GRIN2B: variants seen among roughly 807,000 people sequenced by gnomAD.
GRIN2B encodes glutamate ionotropic receptor NMDA type subunit 2B, also known as glutamate receptor ionotropic, NMDA 2B.
In GRIN2B, 5 loss-of-function variants were observed where a neutral mutation model predicts 114.5. The observed-to-expected ratio is 0.04, with a 90% CI of 0.02 to 0.09. GRIN2B has a LOEUF of 0.09. Among genes scored for constraint, GRIN2B ranks in the 10% least tolerant of loss-of-function variants. The pLI, the probability that GRIN2B is intolerant of heterozygous loss-of-function variation, is 1.00. For missense variants in GRIN2B, 1,108 were observed against 1,943.5 expected (o/e 0.57, Z 8.08); for synonymous variants, 787 against 745.1 (o/e 1.06, Z -0.92).
chr12:13,816,029 A>AGATATAC (rs1864817084), intron 3 of GRIN2B, among the ~76,000 whole-genome samples: 1 of 152,180 alleles, frequency 6.6e-6, no homozygotes, highest in South Asian at 2.1e-4. Context: ...TGCTAGCAAG[A>AGATATAC]GATATACTTG....
intron 3 of GRIN2B, among the ~76,000 whole-genome samples, chr12:13,858,345 T>A (rs1243969928): frequency 7.2e-5 from 11 of 152,210 alleles, no homozygotes; most frequent in African/African-American, 2.4e-4. Flanking sequence ...AAACCTTTAT[T>A]GTACTCAGAA....
At chr12:13,880,387 G>A (rs1307530280) in intron 2 of GRIN2B, among the ~76,000 whole-genome samples, 1 of 152,200 alleles carries the variant, frequency 6.6e-6, no homozygotes, top group African/African-American at 2.4e-5. Context: ...CAAGGAATTG[G>A]GGATGCTCAG....
intron 2 of GRIN2B, among the ~76,000 whole-genome samples, chr12:13,963,000 T>A (rs1305904058): frequency 1.3e-5 from 2 of 152,176 alleles, no homozygotes; most frequent in African/African-American, 4.8e-5. Context: ...TTTTACCCTG[T>A]TTTTCTCATC....
intron 2 of GRIN2B, among the ~76,000 whole-genome samples, chr12:13,917,849 T>C (rs1866759178): frequency 6.6e-6 from 1 of 152,248 alleles, no homozygotes; most frequent in Admixed American, 6.5e-5. Flanking sequence ...TTTTCTTTTT[T>C]ATTATACTAT....
intron 3 of GRIN2B, among the ~76,000 whole-genome samples, chr12:13,831,071 G>A (rs1865136164): frequency 6.6e-6 from 1 of 152,154 alleles, no homozygotes. Flanking sequence ...CTAAGAGCAG[G>A]TTGTTAAAAA....
intron 4 of GRIN2B, among the ~76,000 whole-genome samples, chr12:13,751,563 G>A (rs2136626921): frequency 1.3e-5 from 2 of 152,212 alleles, no homozygotes; most frequent in Non-Finnish European, 2.9e-5. Flanking sequence ...GGGCATCTAG[G>A]AAATTTTTAT....
intron 2 of GRIN2B, among the ~76,000 whole-genome samples, chr12:13,878,247 C>A (rs1222547196): frequency 6.6e-6 from 1 of 152,100 alleles, no homozygotes; most frequent in East Asian, 1.9e-4. Flanking sequence ...TATCGACTCC[C>A]CCGACCCACT....
intron 3 of GRIN2B, among the ~76,000 whole-genome samples, chr12:13,819,157 C>T (rs894899668): frequency 7.2e-5 from 11 of 152,128 alleles, no homozygotes; most frequent in Non-Finnish European, 1.5e-4. Flanking sequence ...CACAAGAAGA[C>T]ACCAGGACAC....
chr12:13,786,525 C>T (rs1472508546), intron 3 of GRIN2B, among the ~76,000 whole-genome samples: 2 of 152,286 alleles, frequency 1.3e-5, no homozygotes, highest in South Asian at 4.1e-4. Flanking sequence ...TCAACCAAGG[C>T]AGTCCTGAGT....
intron 10 of GRIN2B, among the ~76,000 whole-genome samples, chr12:13,580,329 T>C (rs922403707): frequency 6.6e-6 from 1 of 152,210 alleles, no homozygotes; most frequent in Non-Finnish European, 1.5e-5. Flanking sequence ...AATCAGCATA[T>C]GCAGATTAGG....
At chr12:13,720,311 C>A (rs1195376564) in intron 4 of GRIN2B, among the ~76,000 whole-genome samples, 3 of 151,946 alleles carry the variant, frequency 2.0e-5, no homozygotes, top group South Asian at 4.1e-4. Flanking sequence ...CCCTTTCTAG[C>A]ATTGTGTCAG....
intron 10 of GRIN2B, among the ~76,000 whole-genome samples, chr12:13,587,399 C>T (rs1426909907): frequency 6.6e-6 from 1 of 150,404 alleles, no homozygotes; most frequent in Non-Finnish European, 1.5e-5. Context: ...GCTCTGTTGC[C>T]CAGGCTGGAG....
intron 5 of GRIN2B, 95 bp from the exon 6 acceptor site, chr12:13,616,752 G>T: frequency 2.0e-6 from 2 of 987,646 alleles, no homozygotes; most frequent in South Asian, 1.3e-5. Context: ...GGAAGCAGTT[G>T]AACAAAAGCC....
intron 3 of GRIN2B, among the ~76,000 whole-genome samples, chr12:13,794,038 CAAAAAA>C (rs59335663): frequency 3.0e-4 from 24 of 79,224 alleles, no homozygotes; most frequent in Non-Finnish European, 4.8e-4. Context: ...CCCATCTCTA[CAAAAAA>C]AAAAAAAAAA....
chr12:13,975,199 A>G (rs898878037), intron 2 of GRIN2B, among the ~76,000 whole-genome samples: 8 of 152,220 alleles, frequency 5.3e-5, no homozygotes. Context: ...AATTAAAAGC[A>G]GGGATGGTGT....
chr12:13,966,089 C>A (rs889086558), intron 2 of GRIN2B, among the ~76,000 whole-genome samples: 3 of 152,148 alleles, frequency 2.0e-5, no homozygotes, highest in Non-Finnish European at 4.4e-5. Flanking sequence ...TTCCTCTTGA[C>A]GGCATAATTT....
intron 3 of GRIN2B, among the ~76,000 whole-genome samples, chr12:13,829,947 G>A (rs1865117222): frequency 6.6e-6 from 1 of 152,152 alleles, no homozygotes; most frequent in African/African-American, 2.4e-5. Flanking sequence ...AAGTGAGCTG[G>A]CAGGTAAGGC....
chr12:13,578,629 C>T (rs967971966), intron 10 of GRIN2B, among the ~76,000 whole-genome samples: 2 of 152,148 alleles, frequency 1.3e-5, no homozygotes. Context: ...ACCCACAAAC[C>T]AGTAAAATAT....
At chr12:13,937,762 G>A (rs144545048) in intron 2 of GRIN2B, among the ~76,000 whole-genome samples, 35 of 152,186 alleles carry the variant, frequency 2.3e-4, no homozygotes, top group Non-Finnish European at 4.6e-4. Flanking sequence ...AGACAAAAAT[G>A]ATTATAAGGT....
Sources: gnomAD v4.1 joint callset for allele counts (sites outside exome capture counted in the v4.1 genomes callset) on GRCh38, gnomAD v4.1.1 for gene constraint, MANE v1.5 for transcripts, NCBI Gene and HGNC (gene_info 2026-07-23, HGNC 2026-07-21) for gene names.